IKZF2: variants seen among roughly 807,000 people sequenced by gnomAD.
IKZF2 encodes IKAROS family zinc finger 2, also known as zinc finger protein Helios.
Under a neutral mutation model 49.2 loss-of-function variants are expected in IKZF2, and 15 were observed. The observed-to-expected ratio is 0.30, with a 90% confidence interval of 0.20 to 0.47. The LOEUF is 0.47. Ranked by LOEUF, IKZF2 falls within the 20% of genes least tolerant of loss-of-function variation. IKZF2 has a pLI of 1.00. For synonymous variants in IKZF2, 227 were observed against 221.4 expected, an observed-to-expected ratio of 1.03 and a Z score of -0.23; for missense variants, 567 against 664.6, an observed-to-expected ratio of 0.85 and a Z score of 1.61.
chr2:213,097,540 T>C (rs1396479665), intron 4 of IKZF2, among the ~76,000 whole-genome samples: 1 of 152,118 alleles, frequency 6.6e-6, no homozygotes, highest in South Asian at 2.1e-4. Context: ...TTATGTCCAG[T>C]AGATGAGTTA....
At chr2:213,056,724 T>A (rs1422490422) in intron 5 of IKZF2, 109 bp downstream of exon 5, 2 of 1,303,478 alleles carry the variant, frequency 1.5e-6, no homozygotes, top group Non-Finnish European at 2.2e-6. Context: ...TCTGAAAAGG[T>A]AGTTTTCACC....
rs768119782 is a variant in IKZF2, at chr2:213,012,493, T to C, written c.856+1298A>G. Among the ~76,000 whole-genome samples the C allele has an allele frequency of 2.0e-5, 3 of 152,028 alleles. No homozygotes were observed. The South Asian group carries it at 6.2e-4, about 32-fold the overall frequency. Reference sequence around the variant, plus strand: ...AAATCAATATTAAAAATAAGTAAACTGGCTCTTTATTTCTTTTTTTTCATA... The same window carrying C: ...AAATCAATATTAAAAATAAGTAAACCGGCTCTTTATTTCTTTTTTTTCATA... On this transcript the variant is annotated intron_variant, in intron 8 of 8. Coordinates refer to ENST00000434687, the MANE Select transcript of IKZF2 (RefSeq NM_001387220.1).
intron 6 of IKZF2, among the ~76,000 whole-genome samples, chr2:213,026,676 G>C (rs1697851511): frequency 6.6e-6 from 1 of 151,234 alleles, no homozygotes; most frequent in Non-Finnish European, 1.5e-5. Flanking sequence ...AACTGTCTTT[G>C]GTATTTCTGT....
At chr2:213,037,387 A>C (rs1699133345) in intron 6 of IKZF2, among the ~76,000 whole-genome samples, 1 of 152,214 alleles carries the variant, frequency 6.6e-6, no homozygotes, top group South Asian at 2.1e-4. Context: ...CAATTCATAA[A>C]AGATGTGATT....
At chr2:213,132,273 A>G (rs2060498483) in intron 4 of IKZF2, among the ~76,000 whole-genome samples, 1 of 152,090 alleles carries the variant, frequency 6.6e-6, no homozygotes, top group East Asian at 1.9e-4. Context: ...GATGTACTCA[A>G]GAAATTAAGC....
chr2:213,139,212 G>A (rs971861797), intron 4 of IKZF2, among the ~76,000 whole-genome samples: 1 of 151,830 alleles, frequency 6.6e-6, no homozygotes, highest in African/African-American at 2.4e-5. Context: ...ACTGAATCTG[G>A]GGGATTTAGC....
intron 4 of IKZF2, among the ~76,000 whole-genome samples, chr2:213,143,898 G>A (rs541723517): frequency 2.0e-4 from 30 of 151,996 alleles, no homozygotes; most frequent in Non-Finnish European, 4.0e-4. Context: ...GACACCCTGA[G>A]AAGGTGACAT....
intron 7 of IKZF2, among the ~76,000 whole-genome samples, chr2:213,019,031 T>G (rs143282520): frequency 9.9e-5 from 15 of 152,266 alleles, no homozygotes; most frequent in African/African-American, 3.6e-4. Context: ...GTAAGTGTAT[T>G]AAAAGACTGG....
At chr2:213,107,144 G>A (rs2059560488) in intron 4 of IKZF2, among the ~76,000 whole-genome samples, 1 of 152,066 alleles carries the variant, frequency 6.6e-6, no homozygotes, top group Admixed American at 6.6e-5. Context: ...ACAACACTTA[G>A]GGTTCCCTCA....
intron 3 of IKZF2, among the ~76,000 whole-genome samples, chr2:213,148,138 A>G (rs1166825281): frequency 2.0e-5 from 3 of 152,352 alleles, no homozygotes; most frequent in East Asian, 1.9e-4. Flanking sequence ...AGAATTTATA[A>G]TGAGCATTTT....
chr2:213,023,547 A>G (rs1190840301), intron 6 of IKZF2, among the ~76,000 whole-genome samples: 1 of 152,196 alleles, frequency 6.6e-6, no homozygotes, highest in Non-Finnish European at 1.5e-5. Context: ...TCACCATGTG[A>G]CAGCATTAAA....
intron 4 of IKZF2, among the ~76,000 whole-genome samples, chr2:213,137,997 G>A (rs938811307): frequency 5.9e-5 from 9 of 152,060 alleles, no homozygotes; most frequent in African/African-American, 1.7e-4. Context: ...TGACAAAAAC[G>A]TCAAAAGTGT....
intron 4 of IKZF2, among the ~76,000 whole-genome samples, chr2:213,121,035 A>T (rs188165255): frequency 1.6e-3 from 241 of 152,318 alleles, no homozygotes; most frequent in Middle Eastern, 6.8e-3. Context: ...TTAAACTGCT[A>T]TTTAATTTTT....
At chr2:213,147,680 A>G (rs2061125619) in intron 4 of IKZF2, 28 bp downstream of exon 4, 1 of 1,098,162 alleles carries the variant, frequency 9.1e-7, no homozygotes, top group African/African-American at 1.6e-5. Flanking sequence ...ACACACACAC[A>G]AAAAAAAATC....
At chr2:213,061,493 T>TA (rs376159502) in intron 4 of IKZF2, among the ~76,000 whole-genome samples, 11,491 of 145,306 alleles carry the variant, frequency 0.079, 1,041 homozygotes, top group African/African-American at 0.23. Context: ...CTTGAAAAAG[T>TA]AAAAAAAAAA....
At chr2:213,025,946 A>T (rs911659072) in intron 6 of IKZF2, among the ~76,000 whole-genome samples, 1 of 152,140 alleles carries the variant, frequency 6.6e-6, no homozygotes, top group Non-Finnish European at 1.5e-5. Flanking sequence ...GTCCTAGTTC[A>T]GGCCTTCATT....
At chr2:213,045,749 T>C (rs140050319) in intron 6 of IKZF2, among the ~76,000 whole-genome samples, 1 of 152,306 alleles carries the variant, frequency 6.6e-6, no homozygotes, top group Non-Finnish European at 1.5e-5. Context: ...GAGAAATTGC[T>C]GCACCCTGCA....
At chr2:213,090,625 A>T (rs1705198841) in intron 4 of IKZF2, among the ~76,000 whole-genome samples, 1 of 152,236 alleles carries the variant, frequency 6.6e-6, no homozygotes, top group South Asian at 2.1e-4. Context: ...TTAAGGTAAG[A>T]TGAAGTCGTA....
At chr2:213,093,409 A>G (rs1156553981) in intron 4 of IKZF2, among the ~76,000 whole-genome samples, 1 of 152,120 alleles carries the variant, frequency 6.6e-6, no homozygotes, top group Non-Finnish European at 1.5e-5. Flanking sequence ...CACATATACA[A>G]TGGTCTCTCA....
Sources: gnomAD v4.1 joint callset for allele counts (sites outside exome capture counted in the v4.1 genomes callset) on GRCh38, gnomAD v4.1.1 for gene constraint, MANE v1.5 for transcripts, NCBI Gene and HGNC (gene_info 2026-07-23, HGNC 2026-07-21) for gene names.